The following NTNG1 variants were observed in gnomAD, a reference collection of about 807,000 sequenced individuals.
The protein encoded by NTNG1 is netrin G1, also known as netrin-G1.
A neutral mutation model predicts 54.0 loss-of-function variants in NTNG1; 16 were observed. The observed-to-expected ratio is 0.30, with a 90% confidence interval of 0.20 to 0.45. The LOEUF (loss-of-function observed/expected upper bound fraction) is 0.45. Among genes scored for constraint, NTNG1 ranks in the 20% least tolerant of loss-of-function variants. The probability of loss-of-function intolerance (pLI) is 1.00; values close to 1 mark genes in which losing one functional copy is unlikely to be tolerated. For synonymous variants in NTNG1, 255 were observed against 263.1 expected, an observed-to-expected ratio of 0.97 and a Z score of 0.30; for missense variants, 530 against 678.7, an observed-to-expected ratio of 0.78 and a Z score of 2.43.
intron 7 of NTNG1, among the ~76,000 whole-genome samples, chr1:107,475,851 G>A (rs138054102): frequency 2.0e-5 from 3 of 152,190 alleles, no homozygotes; most frequent in East Asian, 1.9e-4. Context: ...CCAGTAGTGT[G>A]CCCTCCCTAC....
Position 107,456,870 on chromosome 1 carries a change from G to A in NTNG1, c.1390+20071G>A, listed in dbSNP as rs144851733. Among the ~76,000 whole-genome samples, 629 of 152,270 alleles carry A rather than the reference G, an allele frequency of 4.1e-3. 5 individuals are homozygous for A. The highest frequency in any genetic ancestry group is 0.014 in the African/African-American group (602 of 41,542). On this transcript the variant is annotated intron_variant, in intron 7 of 7. Coordinates refer to ENST00000370068, the MANE Select transcript of NTNG1 (RefSeq NM_001113226.3). ...TCTGTCATAAAATCTTTCTCCATAAGGCCATACTGGAATGCCAGGTCTTAG... is the reference window on the plus strand; with the variant it reads ...TCTGTCATAAAATCTTTCTCCATAAAGCCATACTGGAATGCCAGGTCTTAG...
At chr1:107,222,690 G>C (rs1270259140) in intron 2 of NTNG1, among the ~76,000 whole-genome samples, 1 of 151,978 alleles carries the variant, frequency 6.6e-6, no homozygotes, top group African/African-American at 2.4e-5. Flanking sequence ...AAATGTTTTA[G>C]AGGTAAGAGC....
chr1:107,478,351 A>C (rs1029183573), intron 7 of NTNG1, among the ~76,000 whole-genome samples: 1 of 152,158 alleles, frequency 6.6e-6, no homozygotes, highest in African/African-American at 2.4e-5. Context: ...AATCCATGAG[A>C]TTACTAATTC....
chr1:107,387,743 C>T (rs6681988), intron 3 of NTNG1, among the ~76,000 whole-genome samples: 69,469 of 152,062 alleles, frequency 0.46, 17,793 homozygotes, highest in Middle Eastern at 0.73. Flanking sequence ...CTGCTCTCAG[C>T]CACACATCTG....
intron 2 of NTNG1, among the ~76,000 whole-genome samples, chr1:107,301,516 A>G (rs1456662990): frequency 6.6e-6 from 1 of 152,164 alleles, no homozygotes; most frequent in African/African-American, 2.4e-5. Flanking sequence ...CACCCTCAAT[A>G]TGTTTACATT....
chr1:107,246,920 C>G (rs1452278018), intron 2 of NTNG1, among the ~76,000 whole-genome samples: 1 of 152,112 alleles, frequency 6.6e-6, no homozygotes, highest in Admixed American at 6.6e-5. Flanking sequence ...CTACAGCTAT[C>G]AGCCAGGCAT....
chr1:107,194,527 G>C (rs957281737), intron 2 of NTNG1, among the ~76,000 whole-genome samples: 1 of 151,948 alleles, frequency 6.6e-6, no homozygotes, highest in African/African-American at 2.4e-5. Flanking sequence ...TGAGAGGAAA[G>C]AGACAGCCCC....
intron 7 of NTNG1, among the ~76,000 whole-genome samples, chr1:107,449,573 T>G (rs1676500358): frequency 6.6e-6 from 1 of 151,994 alleles, no homozygotes; most frequent in South Asian, 2.1e-4. Context: ...TGTGGGAAGC[T>G]TTATAAAGAC....
chr1:107,310,942 G>A (rs529923141), intron 2 of NTNG1, among the ~76,000 whole-genome samples: 1 of 152,060 alleles, frequency 6.6e-6, no homozygotes, highest in Non-Finnish European at 1.5e-5. Flanking sequence ...GTAATGGAGT[G>A]TCTCTGAGGG....
At chr1:107,308,907 G>C (rs1286769716) in intron 2 of NTNG1, among the ~76,000 whole-genome samples, 6 of 152,048 alleles carry the variant, frequency 3.9e-5, no homozygotes, top group Admixed American at 3.9e-4. Flanking sequence ...TTGTGCATGG[G>C]ATTGCGTACC....
intron 2 of NTNG1, among the ~76,000 whole-genome samples, chr1:107,304,563 T>A (rs879799506): frequency 2.6e-5 from 4 of 152,136 alleles, no homozygotes; most frequent in Admixed American, 2.6e-4. Context: ...GATTGAGAAA[T>A]CTCCAATTAT....
chr1:107,432,278 T>A (rs185839715), intron 6 of NTNG1, among the ~76,000 whole-genome samples: 1 of 152,186 alleles, frequency 6.6e-6, no homozygotes, highest in Non-Finnish European at 1.5e-5. Flanking sequence ...TTTTACTTAA[T>A]CCTCATTAAC....
At chr1:107,479,275 T>A (rs1455085790) in intron 7 of NTNG1, among the ~76,000 whole-genome samples, 3 of 152,198 alleles carry the variant, frequency 2.0e-5, no homozygotes, top group African/African-American at 7.2e-5. Context: ...CACTGGCATG[T>A]TTGTGTGTAA....
intron 2 of NTNG1, among the ~76,000 whole-genome samples, chr1:107,289,565 C>T (rs1665448138): frequency 6.6e-6 from 1 of 152,116 alleles, no homozygotes; most frequent in East Asian, 1.9e-4. Flanking sequence ...TGTTGTCATT[C>T]TCAACTTAAA....
chr1:107,225,348 A>G (rs905432361), intron 2 of NTNG1, among the ~76,000 whole-genome samples: 45 of 151,958 alleles, frequency 3.0e-4, no homozygotes, highest in African/African-American at 1.1e-3. Flanking sequence ...TGTTGATGGG[A>G]CAAAGGAAAA....
At chr1:107,191,644 A>G (rs1197251703) in intron 2 of NTNG1, among the ~76,000 whole-genome samples, 1 of 151,378 alleles carries the variant, frequency 6.6e-6, no homozygotes, top group Non-Finnish European at 1.5e-5. Context: ...CTTTCTACAT[A>G]TGGCTAGCCA....
chr1:107,219,891 AC>A (rs1660225367), intron 2 of NTNG1, among the ~76,000 whole-genome samples: 1 of 152,126 alleles, frequency 6.6e-6, no homozygotes, highest in Admixed American at 6.5e-5. Flanking sequence ...AGGAGGTGGC[AC>A]TTTTAAGAGC....
chr1:107,281,246 CTGTT>C (rs1557866409), intron 2 of NTNG1, among the ~76,000 whole-genome samples: 2 of 152,066 alleles, frequency 1.3e-5, no homozygotes, highest in Non-Finnish European at 2.9e-5. Context: ...ATATAAAACA[CTGTT>C]ACTTCAGAGC....
chr1:107,308,878 T>A (rs1666842940), intron 2 of NTNG1, among the ~76,000 whole-genome samples: 1 of 152,216 alleles, frequency 6.6e-6, no homozygotes. Flanking sequence ...GGCATTTTAT[T>A]CTTTTCTTTT....
Sources: gnomAD v4.1 joint callset for allele counts (sites outside exome capture counted in the v4.1 genomes callset) on GRCh38, gnomAD v4.1.1 for gene constraint, MANE v1.5 for transcripts, NCBI Gene and HGNC (gene_info 2026-07-23, HGNC 2026-07-21) for gene names.